Variants in THSD4 observed in about 807,000 individuals in gnomAD.
The protein encoded by THSD4 is thrombospondin type 1 domain containing 4, also known as thrombospondin type-1 domain-containing protein 4.
Under a neutral mutation model 119.0 loss-of-function variants are expected in THSD4, and 69 were observed. The observed-to-expected ratio is 0.58, with a 90% CI of 0.48 to 0.71. The LOEUF is 0.71. Among genes scored for constraint, THSD4 ranks in the 30% least tolerant of loss-of-function variants. The probability of loss-of-function intolerance (pLI) is 0.00; values close to 1 mark genes in which losing one functional copy is unlikely to be tolerated. For missense variants in THSD4, 1,393 were observed against 1,391.1 expected (o/e 1.00, Z -0.02); for synonymous variants, 524 against 540.4 (o/e 0.97, Z 0.42).
Position 71,625,382 on chromosome 15 carries a change from T to C in THSD4, c.1153-35148T>C, listed in dbSNP as rs574424787. Among the ~76,000 whole-genome samples the C allele has an allele frequency of 1.1e-4, 17 of 152,270 alleles. 2 individuals carry two copies. In the South Asian group the frequency reaches 3.1e-3, roughly 28 times the overall value. Reference sequence around the variant, plus strand: ...GAGATGAGATTGCCTGTTGAGTATATTGGGGGCTCTTCAAGAGACTAAATC... The same window carrying C: ...GAGATGAGATTGCCTGTTGAGTATACTGGGGGCTCTTCAAGAGACTAAATC... On this transcript the variant is annotated intron_variant, in intron 7 of 17. Transcript: ENST00000261862.
chr15:71,471,894 A>G lies in THSD4; in HGVS notation c.1152+60071A>G, dbSNP rs574786384. 4.6e-5 allele frequency among the ~76,000 whole-genome samples: 7 copies of G among 152,136 alleles called. No individual in the cohort carries two copies. In the East Asian group the frequency reaches 1.4e-3, roughly 29 times the overall value. On this transcript the variant is annotated intron_variant, in intron 7 of 17. Transcript: ENST00000261862. ...AATCCCAACTTGGCCACATCCAACC[A>G]TGTGAGCTTAAGTACATTGGTGTTT...
rs1168195835 is a variant in THSD4, at chr15:71,780,872, G to T, written c.*3498G>T. ...AAGGGACAGAAAAGAGAAGACACGA[G>T]CTTGGTGTATTTTCATCAAGTTATG... On this transcript the variant is annotated 3_prime_UTR_variant, in exon 18 of 18. Coordinates refer to ENST00000261862, the MANE Select transcript of THSD4 (RefSeq NM_024817.3). The T allele has an allele frequency of 2.2e-6, 1 of 445,366 alleles. No individual in the cohort carries two copies. Among genetic ancestry groups the T allele is most frequent in the East Asian group, 7.0e-5 (1 of 14,308 alleles). 27.6% of individuals were successfully genotyped at this position (445,366 alleles called of 1,614,324 possible). A position where few individuals can be genotyped will look rare whatever the true frequency, so the allele number is the denominator to read the frequency against.
chr15:71,335,197 G>A (rs1044974591), intron 6 of THSD4, among the ~76,000 whole-genome samples: 4 of 152,184 alleles, frequency 2.6e-5, no homozygotes, highest in African/African-American at 9.7e-5. Flanking sequence ...GCTTAGAGCA[G>A]TGCCTGGAAC....
At chr15:71,310,378 T>G (rs957901681) in intron 6 of THSD4, among the ~76,000 whole-genome samples, 4 of 152,106 alleles carry the variant, frequency 2.6e-5, no homozygotes, top group African/African-American at 4.8e-5. Flanking sequence ...AAAAGCCAGA[T>G]TAATTGGAGA....
chr15:71,229,249 G>T (rs1205688678), intron 4 of THSD4, among the ~76,000 whole-genome samples: 2 of 152,186 alleles, frequency 1.3e-5, no homozygotes, highest in African/African-American at 2.4e-5. Context: ...GATCTTTGCA[G>T]TGATGGTTAA....
In THSD4 at chr15:71,369,529, A is replaced by T. The variant is rs1297312673; in HGVS notation, c.1016-42158A>T. Among the ~76,000 whole-genome samples, 3 of 152,150 alleles carry T rather than the reference A, an allele frequency of 2.0e-5. No individual in the cohort carries two copies. The East Asian group carries it at 5.8e-4, about 29-fold the overall frequency. ...TTTGTCAAAGGCCTTTTCTGCATCTATTGAGATAATCATGTGGTTTTTGTC... is the reference window on the plus strand; with the variant it reads ...TTTGTCAAAGGCCTTTTCTGCATCTTTTGAGATAATCATGTGGTTTTTGTC... On this transcript the variant is annotated intron_variant, in intron 6 of 17. Transcript: ENST00000261862.
chr15:71,249,427 T>TATAC (rs1555457888), intron 5 of THSD4, among the ~76,000 whole-genome samples: 21 of 148,548 alleles, frequency 1.4e-4, no homozygotes, highest in South Asian at 4.2e-4. Flanking sequence ...TATATATATA[T>TATAC]ACACACACAT....
At chr15:71,174,065 C>T (rs1437583659) in intron 3 of THSD4, among the ~76,000 whole-genome samples, 3 of 152,068 alleles carry the variant, frequency 2.0e-5, no homozygotes, top group Non-Finnish European at 4.4e-5. Context: ...GCACCAGGAA[C>T]AAAAGAAAAA....
In THSD4 at chr15:71,339,835, G is replaced by T. The variant is rs909610556; in HGVS notation, c.1016-71852G>T. ...GCTAGAGTGCAGTGGCGCGATCTCCGCTCACTGCAACCTCTGCCTCCTGGG... is the reference window on the plus strand; with the variant it reads ...GCTAGAGTGCAGTGGCGCGATCTCCTCTCACTGCAACCTCTGCCTCCTGGG... On this transcript the variant is annotated intron_variant, in intron 6 of 17. Transcript: ENST00000261862. Among the ~76,000 whole-genome samples the T allele has an allele frequency of 5.3e-5, 8 of 151,978 alleles. 1 individual carries two copies. In the South Asian group the frequency reaches 1.7e-3, roughly 32 times the overall value.
chr15:71,272,934 T>C (rs1417660419), intron 6 of THSD4, among the ~76,000 whole-genome samples: 1 of 152,146 alleles, frequency 6.6e-6, no homozygotes, highest in African/African-American at 2.4e-5. Flanking sequence ...AACCTTTGTC[T>C]ACCGTTGGTG....
At chr15:71,477,140 A>T (rs1449442067) in intron 7 of THSD4, among the ~76,000 whole-genome samples, 1 of 152,242 alleles carries the variant, frequency 6.6e-6, no homozygotes, top group East Asian at 1.9e-4. Context: ...CAGAGCTACA[A>T]CATCAAGGCA....
intron 1 of THSD4, among the ~76,000 whole-genome samples, chr15:71,126,432 A>C (rs2040457309): frequency 6.6e-6 from 1 of 152,200 alleles, no homozygotes; most frequent in Admixed American, 6.5e-5. Context: ...CCACGTGGCC[A>C]TCATGTTGGG....
At chr15:71,554,390 C>G (rs2048985682) in intron 7 of THSD4, among the ~76,000 whole-genome samples, 1 of 151,394 alleles carries the variant, frequency 6.6e-6, no homozygotes, top group South Asian at 2.1e-4. Flanking sequence ...ACACCATGCC[C>G]CGGTTTTTTT....
intron 6 of THSD4, among the ~76,000 whole-genome samples, chr15:71,297,831 T>G (rs1183652265): frequency 6.6e-6 from 1 of 152,214 alleles, no homozygotes; most frequent in East Asian, 1.9e-4. Flanking sequence ...TTTGAGAGTT[T>G]TTTTGTGTGT....
intron 1 of THSD4, among the ~76,000 whole-genome samples, chr15:71,119,479 A>T (rs922905605): frequency 6.6e-6 from 1 of 152,188 alleles, no homozygotes; most frequent in Non-Finnish European, 1.5e-5. Context: ...TTTTTGACAG[A>T]GGCCCTGACT....
Position 71,781,819 on chromosome 15 carries a change from GCTCAGGGCCGTCTCCA to G in THSD4, c.*4454_*4469del, listed in dbSNP as rs1443614216. ...CAAGCATCTGGCTGGGCAACGTGAT[GCTCAGGGCCGTCTCCA>G]CTCAGGGCTTAGGGGAGTCTGTGAG... On this transcript the variant is annotated 3_prime_UTR_variant, in exon 18 of 18. Transcript: ENST00000261862. 2 of 152,358 alleles carry G rather than the reference GCTCAGGGCCGTCTCCA, an allele frequency of 1.3e-5. No homozygotes were observed. Among genetic ancestry groups the G allele is most frequent in the African/African-American group, 2.4e-5 (1 of 41,460 alleles). 9.4% of individuals were successfully genotyped at this position (152,358 alleles called of 1,614,324 possible).
chr15:71,149,134 G>T (rs2040694840), intron 2 of THSD4, among the ~76,000 whole-genome samples: 1 of 151,978 alleles, frequency 6.6e-6, no homozygotes, highest in African/African-American at 2.4e-5. Context: ...CGCCTCCTGG[G>T]TTCATGCCAT....
intron 1 of THSD4, among the ~76,000 whole-genome samples, chr15:71,130,870 G>T (rs868428686): frequency 6.6e-6 from 1 of 151,998 alleles, no homozygotes. Flanking sequence ...TCAGTCTCCC[G>T]AGTAGCTGGG....
chr15:71,580,684 C>T (rs12101945), intron 7 of THSD4, among the ~76,000 whole-genome samples: 2,399 of 152,254 alleles, frequency 0.016, 63 homozygotes, highest in African/African-American at 0.053. Context: ...CCATTCTACT[C>T]TCTGCTTTCA....
Sources: allele counts gnomAD v4.1 joint callset (sites outside exome capture counted in the v4.1 genomes callset), GRCh38; gene constraint gnomAD v4.1.1; transcripts MANE v1.5; gene names NCBI Gene and HGNC (gene_info 2026-07-23, HGNC 2026-07-21).